The following DUSP4 variants were observed in gnomAD, a reference collection of about 807,000 sequenced individuals.
The protein encoded by DUSP4 is dual specificity protein phosphatase 4.
In DUSP4, 12 loss-of-function variants were observed where a neutral mutation model predicts 27.2. The ratio of observed to expected loss-of-function variants is 0.44; its 90% CI spans 0.28 to 0.71. The LOEUF is 0.71. DUSP4 is among the 30% of genes least tolerant of loss of function. The pLI, the probability that DUSP4 is intolerant of heterozygous loss-of-function variation, is 0.14. For missense variants in DUSP4, 448 were observed against 551.3 expected, an observed-to-expected ratio of 0.81 and a Z score of 1.88; for synonymous variants, 257 against 245.2, an observed-to-expected ratio of 1.05 and a Z score of -0.45.
intron 2 of DUSP4, among the ~76,000 whole-genome samples, 173 bp from the exon 3 acceptor site, chr8:29,338,674 T>C (rs984380757): frequency 6.6e-6 from 1 of 152,262 alleles, no homozygotes; most frequent in Non-Finnish European, 1.5e-5. Context: ...GGAGGGGTGA[T>C]AGGCCCAGTG....
chr8:29,347,064 T>C (rs1817746474), intron 1 of DUSP4, among the ~76,000 whole-genome samples: 1 of 152,122 alleles, frequency 6.6e-6, no homozygotes, highest in Non-Finnish European at 1.5e-5. Flanking sequence ...TAAAATGAAT[T>C]ACTCCAGTAG....
rs1456918690 is a variant in DUSP4, at chr8:29,336,606, G to C, written c.*420C>G. 1.2e-5 allele frequency: 2 copies of C among 166,052 alleles called. No homozygotes were observed. Among genetic ancestry groups the C allele is most frequent in the African/African-American group, 4.8e-5 (2 of 41,876 alleles). 10.3% of individuals were successfully genotyped at this position (166,052 alleles called of 1,614,324 possible). ...ACAAAGGGACAAGTACACAGAACCA[G>C]GCACTTCTGGGAAACTTGTCTTCTC... On this transcript the variant is annotated 3_prime_UTR_variant, in exon 4 of 4. Transcript: ENST00000240100.
chr8:29,348,365 C>A, intron 1 of DUSP4: 1 of 985,682 alleles, frequency 1.0e-6, no homozygotes, highest in Non-Finnish European at 1.2e-6. Context: ...CCCGCTCAGC[C>A]GCCAGGCCTT....
chr8:29,344,821 G>C (rs1167683129), intron 1 of DUSP4, among the ~76,000 whole-genome samples: 1 of 151,590 alleles, frequency 6.6e-6, no homozygotes, highest in Non-Finnish European at 1.5e-5. Context: ...TGGTGACTAT[G>C]GTCATGGATC....
Position 29,333,136 on chromosome 8 carries a change from TA to T in DUSP4, c.*3889del, listed in dbSNP as rs1330395100. The T allele has an allele frequency of 6.6e-6, 1 of 151,236 alleles. No individual in the cohort carries two copies. The highest frequency in any genetic ancestry group is 2.4e-5 in the African/African-American group (1 of 41,018). 9.4% of individuals were successfully genotyped at this position (151,236 alleles called of 1,614,324 possible). A position where few individuals can be genotyped will look rare whatever the true frequency, so the allele number is the denominator to read the frequency against. On this transcript the variant is annotated 3_prime_UTR_variant, in exon 4 of 4. Transcript: ENST00000240100. The stretch of plus-strand genomic sequence containing the variant: ...AAATAAAACCAGACATATTGACTTC[TA>T]AAAAACAAAACCAAACAAAAAAAAA...
chr8:29,338,331 G>T lies in DUSP4; in HGVS notation c.750C>A (p.Asn250Lys), dbSNP rs1376488410. ...ACCAGGAGCTGATGTCGGCCTTGTG[G>T]TTATCTTCCACTGGGATGCACTTGT... ...YQYKCIPVED[N>K]HKADISSWFM... is the part of the protein sequence containing the mutation. Residue 250 changes from asparagine to lysine, a missense_variant, in exon 3 of 4, where the codon AAC becomes AAA. Coordinates refer to ENST00000240100, the MANE Select transcript of DUSP4 (RefSeq NM_001394.7). The T allele has an allele frequency of 6.2e-7, 1 of 1,614,212 alleles. No homozygotes were observed. The highest frequency in any genetic ancestry group is 2.2e-5 in the East Asian group (1 of 44,886).
At chr8:29,340,551 C>G (rs1198605168) in intron 1 of DUSP4, among the ~76,000 whole-genome samples, 1 of 152,134 alleles carries the variant, frequency 6.6e-6, no homozygotes, top group East Asian at 1.9e-4. Context: ...TGTGGAGTAG[C>G]TCCTCAGGAC....
At chr8:29,338,233 C>T in intron 3 of DUSP4, 49 bp downstream of exon 3, 1 of 1,585,686 alleles carries the variant, frequency 6.3e-7, no homozygotes, top group Non-Finnish European at 8.7e-7. Flanking sequence ...GTTCCTTATC[C>T]TTCCCACCCG....
rs1312947765 is a variant in DUSP4, at chr8:29,334,855, G to C, written c.*2171C>G. 1 of 152,174 alleles carries C rather than the reference G, an allele frequency of 6.6e-6. No individual in the cohort carries two copies. Among genetic ancestry groups the C allele is most frequent in the Admixed American group, 6.6e-5 (1 of 15,266 alleles). 9.4% of individuals were successfully genotyped at this position (152,174 alleles called of 1,614,324 possible). A position where few individuals can be genotyped will look rare whatever the true frequency, so the allele number is the denominator to read the frequency against. ...TTCTAGAGGAAGCAGGGAGCCTCTG[G>C]CTCTTCTAAAAATTGCCAGTGGGAG... On this transcript the variant is annotated 3_prime_UTR_variant, in exon 4 of 4. Transcript: ENST00000240100.
chr8:29,344,351 A>G (rs1817697373), intron 1 of DUSP4, among the ~76,000 whole-genome samples: 1 of 152,256 alleles, frequency 6.6e-6, no homozygotes, highest in Non-Finnish European at 1.5e-5. Context: ...TGTTTTTCCT[A>G]TGCCCTTTGA....
At chr8:29,340,066 C>T in intron 2 of DUSP4, 32 bp downstream of exon 2, 1 of 1,549,590 alleles carries the variant, frequency 6.5e-7, no homozygotes, top group South Asian at 1.2e-5. Flanking sequence ...TGTTCCTGCC[C>T]CCCACTTCCA....
At chr8:29,348,838 G>A (rs1386107576) in intron 1 of DUSP4, 2 of 980,744 alleles carry the variant, frequency 2.0e-6, no homozygotes, top group African/African-American at 1.7e-5. Flanking sequence ...CCCTACCCGC[G>A]CGGAAGAATG....
intron 1 of DUSP4, 130 bp from the exon 2 acceptor site, chr8:29,340,373 AGGTGGCGCTGT>A: frequency 8.3e-7 from 1 of 1,202,374 alleles, no homozygotes; most frequent in Non-Finnish European, 1.1e-6. Flanking sequence ...ATTGGCCACT[AGGTGGCGCTGT>A]GGACCTAGAG....
rs1275235890 is a variant in DUSP4 at position 29,340,169 on chromosome 8, G to A, written c.508C>T (p.Pro170Ser). ...GGCTCTGTGGCACTGGGGGGAACCGGGGGTGGGATGGCTGCCAGGGCCTTG... is the reference window on the plus strand; with the variant it reads ...GGCTCTGTGGCACTGGGGGGAACCGAGGGTGGGATGGCTGCCAGGGCCTTG... ...KTKALAAIPP[P>S]VPPSATEPLD... is the part of the protein sequence containing the mutation. Residue 170 changes from proline to serine, a missense_variant, in exon 2 of 4, where the codon CCG (proline) becomes TCG (serine). Pro to Ser is a moderately conservative substitution (Grantham distance 74). Around this residue, in one of 3 missense-constraint regions of DUSP4, gnomAD observed 345 missense variants for 394.0 expected, o/e 0.88. Coordinates refer to ENST00000240100, the MANE Select transcript of DUSP4 (RefSeq NM_001394.7). 8.7e-6 allele frequency: 14 copies of A among 1,612,606 alleles called. No individual in the cohort carries two copies. Among genetic ancestry groups the A allele is most frequent in the Non-Finnish European group, 1.2e-5 (14 of 1,179,426 alleles).
intron 1 of DUSP4, among the ~76,000 whole-genome samples, chr8:29,340,747 C>T (rs761992618): frequency 2.2e-4 from 33 of 152,180 alleles, no homozygotes; most frequent in Non-Finnish European, 4.4e-4. Flanking sequence ...GTCCATTGCA[C>T]GTCCTCATGA....
chr8:29,339,033 A>G (rs1817618288), intron 2 of DUSP4, among the ~76,000 whole-genome samples: 1 of 152,138 alleles, frequency 6.6e-6, no homozygotes, highest in Non-Finnish European at 1.5e-5. Context: ...CTCTCAAACA[A>G]TGAAGCTGGC....
Position 29,337,124 on chromosome 8 carries a change from G to C in DUSP4, c.1087C>G (p.Gln363Glu), listed in dbSNP as rs768045348. Reference protein sequence around the residue: ...RGKTPATPTSQFVFSFPVSVG... With the variant: ...RGKTPATPTSEFVFSFPVSVG... Reference sequence around the variant, plus strand: ...GAGACCGGAAAGCTGAAGACGAACTGCGAGGTGGGGGTGGCGGGGGTCTTG... The same window carrying C: ...GAGACCGGAAAGCTGAAGACGAACTCCGAGGTGGGGGTGGCGGGGGTCTTG... Residue 363 changes from glutamine (Q) to glutamate (E), a missense_variant, in exon 4 of 4, where the codon CAG becomes GAG. Physicochemically the swap from Gln to Glu is conservative, Grantham distance 29 (BLOSUM62 2). Transcript: ENST00000240100. This position sits in a 1 kb window ranked among gnomAD's most constrained non-coding sequence, Gnocchi z 6.4. 3.7e-6 allele frequency: 6 copies of C among 1,611,058 alleles called. No individual in the cohort carries two copies. Among genetic ancestry groups the C allele is most frequent in the Non-Finnish European group, 5.1e-6 (6 of 1,178,746 alleles).
At chr8:29,345,707 G>A (rs1026653362) in intron 1 of DUSP4, 1 of 1,395,090 alleles carries the variant, frequency 7.2e-7, no homozygotes, top group African/African-American at 1.5e-5. Context: ...TCTCCTATAA[G>A]CACCCAGGAT....
In DUSP4 at chr8:29,336,076, GTCTTTTTTTTTCTTT is replaced by G. The variant is rs1208725848; in HGVS notation, c.*935_*949del. On this transcript the variant is annotated 3_prime_UTR_variant, in exon 4 of 4. Coordinates refer to ENST00000240100, the MANE Select transcript of DUSP4 (RefSeq NM_001394.7). The stretch of plus-strand genomic sequence containing the variant: ...AGCCTTGGCAACATAGTGAGATGCT[GTCTTTTTTTTTCTTT>G]TCTTTTTTTTTAAAAAAGCAATTCA... 6.7e-6 allele frequency: 1 copy of G among 149,374 alleles called. No individual in the cohort carries two copies. Among genetic ancestry groups the G allele is most frequent in the Non-Finnish European group, 1.5e-5 (1 of 68,000 alleles). The allele number at this position is 149,374 out of a possible 1,614,324, so 9.3% of individuals were successfully genotyped here.
Sources: allele counts gnomAD v4.1 joint callset (sites outside exome capture counted in the v4.1 genomes callset), GRCh38; gene constraint gnomAD v4.1.1; regional missense constraint gnomAD v4.1.1; non-coding constraint Gnocchi (gnomAD v3.1); transcripts MANE v1.5; gene names NCBI Gene and HGNC (gene_info 2026-07-23, HGNC 2026-07-21).